The following GNAI3 variants were observed in gnomAD, a reference collection of about 807,000 sequenced individuals.
GNAI3 encodes the protein guanine nucleotide-binding protein G(i) subunit alpha-3.
In GNAI3, 12 loss-of-function variants were observed where a neutral mutation model predicts 41.8. That is an observed-to-expected ratio of 0.29 (90% confidence interval 0.18 to 0.47). The LOEUF is 0.47. Ranked by LOEUF, GNAI3 falls within the 20% of genes least tolerant of loss-of-function variation. The pLI is 1.00. For missense variants in GNAI3, 360 were observed against 429.6 expected (o/e 0.84, Z 1.43); for synonymous variants, 132 against 146.5 (o/e 0.90, Z 0.71).
chr1:109,573,549 A>G (rs1648661011), intron 1 of GNAI3, among the ~76,000 whole-genome samples, 188 bp from the exon 2 acceptor site: 1 of 152,140 alleles, frequency 6.6e-6, no homozygotes, highest in Non-Finnish European at 1.5e-5. Flanking sequence ...TTGGTTGCTG[A>G]GTTATGTAAA....
chr1:109,575,947 C>T (rs1006543356), intron 3 of GNAI3, among the ~76,000 whole-genome samples: 3 of 152,224 alleles, frequency 2.0e-5, no homozygotes, highest in Admixed American at 6.5e-5. Context: ...ATCCAGCTTT[C>T]TGGTGTCCAC....
rs182924003 is a variant in GNAI3 at position 109,595,063 on chromosome 1, T to C, written c.*2741T>C. 1.3e-5 allele frequency: 2 copies of C among 152,336 alleles called. No individual in the cohort carries two copies. Among genetic ancestry groups the C allele is most frequent in the East Asian group, 3.9e-4 (2 of 5,194 alleles). The allele number at this position is 152,336 out of a possible 1,614,324, so 9.4% of individuals were successfully genotyped here. The stretch of plus-strand genomic sequence containing the variant: ...ATGTGGGATGAAACATTAAATCTAC[T>C]AGCCTGAAAAAAAACTTTGGCATTT... On this transcript the variant is annotated 3_prime_UTR_variant, in exon 9 of 9. Transcript: ENST00000369851.
chr1:109,591,594 TC>T (rs1261729090), intron 7 of GNAI3: 25 of 528,382 alleles, frequency 4.7e-5, no homozygotes, highest in Non-Finnish European at 7.6e-5. Flanking sequence ...GTGCTAATCT[TC>T]TCTGTATTGT....
intron 1 of GNAI3, among the ~76,000 whole-genome samples, chr1:109,556,134 C>T (rs1648146113): frequency 1.3e-5 from 2 of 151,900 alleles, no homozygotes; most frequent in Admixed American, 1.3e-4. Flanking sequence ...TCACTGCAAC[C>T]TCTGCCTCCC....
At chr1:109,561,547 T>C (rs550872942) in intron 1 of GNAI3, among the ~76,000 whole-genome samples, 2 of 152,358 alleles carry the variant, frequency 1.3e-5, no homozygotes, top group Admixed American at 6.5e-5. Context: ...TTTATTAAGC[T>C]TTTTGGTTTT....
intron 1 of GNAI3, among the ~76,000 whole-genome samples, chr1:109,556,103 C>G (rs532305532): frequency 6.6e-6 from 1 of 150,962 alleles, no homozygotes; most frequent in Non-Finnish European, 1.5e-5. Context: ...GTGGTGCAAT[C>G]TCAATGCAAC....
chr1:109,563,526 G>C (rs1266878178), intron 1 of GNAI3, among the ~76,000 whole-genome samples: 1 of 152,154 alleles, frequency 6.6e-6, no homozygotes, highest in Non-Finnish European at 1.5e-5. Context: ...ATAACATTTT[G>C]AGGAGAGCTG....
At chr1:109,553,991 G>A (rs1648073941) in intron 1 of GNAI3, among the ~76,000 whole-genome samples, 1 of 152,168 alleles carries the variant, frequency 6.6e-6, no homozygotes, top group Non-Finnish European at 1.5e-5. Context: ...TTCACTTAGA[G>A]TAATCGTCTC....
At chr1:109,572,674 T>G (rs1206453250) in intron 1 of GNAI3, among the ~76,000 whole-genome samples, 1 of 151,822 alleles carries the variant, frequency 6.6e-6, no homozygotes, top group African/African-American at 2.4e-5. Flanking sequence ...TAGAAGAAAA[T>G]GTGTGGGGTC....
chr1:109,556,383 A>G lies in GNAI3; in HGVS notation c.118+7545A>G, dbSNP rs1648151837. Reference sequence around the variant, plus strand: ...CGCTCATCTGTAACCAGGAAAAAACAATATAGAGAGACAGATGGCAGGAAA... The same window carrying G: ...CGCTCATCTGTAACCAGGAAAAAACGATATAGAGAGACAGATGGCAGGAAA... On this transcript the variant is annotated intron_variant, in intron 1 of 8. Transcript: ENST00000369851. Among the ~76,000 whole-genome samples the G allele has an allele frequency of 2.0e-5, 3 of 152,192 alleles. No individual in the cohort carries two copies. The South Asian group carries it at 6.2e-4, about 31-fold the overall frequency.
At position 109,592,273 on chromosome 1, in the gene GNAI3, G is replaced by T; in HGVS notation, c.*22+18G>T. The T allele has an allele frequency of 7.7e-7, 1 of 1,301,042 alleles. No individual in the cohort carries two copies. The highest frequency in any genetic ancestry group is 1.2e-5 in the South Asian group (1 of 83,004). The allele number at this position is 1,301,042 out of a possible 1,614,324, so 80.6% of individuals were successfully genotyped here. ...AGTGAAAGGTAAAGTTTCATACAAG[G>T]TAGTTATAGTGCTACAGTGATGTCT... is the stretch of plus-strand genomic sequence containing the variant. On this transcript the variant is annotated intron_variant, in intron 8 of 8. Coordinates refer to ENST00000369851, the MANE Select transcript of GNAI3 (RefSeq NM_006496.4).
At chr1:109,557,936 G>A (rs1321991998) in intron 1 of GNAI3, among the ~76,000 whole-genome samples, 1 of 152,154 alleles carries the variant, frequency 6.6e-6, no homozygotes, top group Admixed American at 6.5e-5. Flanking sequence ...GAGAGTTAAT[G>A]TTTAATAAAG....
rs1215487913 is a variant in GNAI3 at position 109,594,100 on chromosome 1, G to A, written c.*1778G>A. 1 of 152,516 alleles carries A rather than the reference G, an allele frequency of 6.6e-6. No homozygotes were observed. The highest frequency in any genetic ancestry group is 1.5e-5 in the Non-Finnish European group (1 of 68,034). The allele number at this position is 152,516 out of a possible 1,614,324, so 9.4% of individuals were successfully genotyped here. On this transcript the variant is annotated 3_prime_UTR_variant, in exon 9 of 9. Coordinates refer to ENST00000369851, the MANE Select transcript of GNAI3 (RefSeq NM_006496.4). ...TATTATATAATGGAATTTTCTTTAG[G>A]TGTGGGAAAACTTGATCTGAAAGAA...
intron 1 of GNAI3, among the ~76,000 whole-genome samples, chr1:109,557,194 C>T (rs866861538): frequency 6.6e-6 from 1 of 152,184 alleles, no homozygotes; most frequent in Non-Finnish European, 1.5e-5. Flanking sequence ...CCTCGACCTC[C>T]CAAAGGCTGG....
intron 3 of GNAI3, among the ~76,000 whole-genome samples, chr1:109,578,204 C>T (rs868515022): frequency 6.6e-5 from 10 of 152,266 alleles, no homozygotes; most frequent in Admixed American, 1.3e-4. Context: ...GGCCCAGTGG[C>T]TCACGCCTGT....
At chr1:109,551,131 CAA>C (rs1647973012) in intron 1 of GNAI3, among the ~76,000 whole-genome samples, 1 of 152,176 alleles carries the variant, frequency 6.6e-6, no homozygotes, top group Admixed American at 6.5e-5. Flanking sequence ...AAGTAAAAAT[CAA>C]AGTACTAAAC....
At chr1:109,551,143 CAT>C (rs1162976979) in intron 1 of GNAI3, among the ~76,000 whole-genome samples, 1 of 152,214 alleles carries the variant, frequency 6.6e-6, no homozygotes, top group African/African-American at 2.4e-5. Context: ...AAGTACTAAA[CAT>C]ATTTGCTTTT....
intron 1 of GNAI3, among the ~76,000 whole-genome samples, chr1:109,564,696 T>C (rs774024602): frequency 2.0e-5 from 3 of 152,210 alleles, no homozygotes; most frequent in Non-Finnish European, 4.4e-5. Flanking sequence ...GTTAGGTATT[T>C]ACCCTCGATT....
chr1:109,548,672 T>G lies in GNAI3; in HGVS notation c.-49T>G. The G allele has an allele frequency of 7.4e-7, 1 of 1,342,820 alleles. No homozygotes were observed. Among genetic ancestry groups the G allele is most frequent in the South Asian group, 1.2e-5 (1 of 84,430 alleles). 83.2% of individuals were successfully genotyped at this position (1,342,820 alleles called of 1,614,324 possible). ...TGCCTCAGCCTGCCGAGCCGCAGTT[T>G]CCGTGGTGTGAGTGAGTCCGGGCCC... On this transcript the variant is annotated 5_prime_UTR_variant, in exon 1 of 9. Transcript: ENST00000369851.
Sources: allele counts gnomAD v4.1 joint callset (sites outside exome capture counted in the v4.1 genomes callset), GRCh38; gene constraint gnomAD v4.1.1; transcripts MANE v1.5; gene names NCBI Gene and HGNC (gene_info 2026-07-23, HGNC 2026-07-21).